Variants in CCDC6 observed in about 807,000 individuals in gnomAD.
CCDC6 encodes the protein coiled-coil domain containing 6, also known as coiled-coil domain-containing protein 6.
A neutral mutation model predicts 56.6 loss-of-function variants in CCDC6; 20 were observed. The observed-to-expected ratio is 0.35, with a 90% CI of 0.25 to 0.51. CCDC6 has a LOEUF of 0.51. Among genes scored for constraint, CCDC6 ranks in the 20% least tolerant of loss-of-function variants. The pLI, the probability that CCDC6 is intolerant of heterozygous loss-of-function variation, is 0.95. For missense variants in CCDC6, 367 were observed against 601.1 expected (o/e 0.61, Z 4.07); for synonymous variants, 241 against 234.4 (o/e 1.03, Z -0.26).
intron 1 of CCDC6, among the ~76,000 whole-genome samples, chr10:59,885,199 A>G (rs1170491624): frequency 1.3e-5 from 2 of 152,128 alleles, no homozygotes; most frequent in Non-Finnish European, 2.9e-5. Flanking sequence ...TACATTTGTT[A>G]TATCTACAAT....
intron 1 of CCDC6, among the ~76,000 whole-genome samples, chr10:59,866,662 C>T (rs2071180461): frequency 6.6e-6 from 1 of 152,130 alleles, no homozygotes; most frequent in African/African-American, 2.4e-5. Context: ...GTCAAGCAAC[C>T]TGCCTGAGGA....
At position 59,906,441 on chromosome 10, in the gene CCDC6, G is replaced by A; in HGVS notation, c.-17C>T. ...GTCCGCCATGGCCGCGGCGGGCTGG[G>A]GAAAGGAGGAGGAGCAGCAGGGAGG... On this transcript the variant is annotated 5_prime_UTR_variant, in exon 1 of 9. Coordinates refer to ENST00000263102, the MANE Select transcript of CCDC6 (RefSeq NM_005436.5). 1 of 1,498,198 alleles carries A rather than the reference G, an allele frequency of 6.7e-7. No individual in the cohort carries two copies. Among genetic ancestry groups the A allele is most frequent in the Non-Finnish European group, 8.8e-7 (1 of 1,140,054 alleles). The allele number at this position is 1,498,198 out of a possible 1,614,324, so 92.8% of individuals were successfully genotyped here. A position where few individuals can be genotyped will look rare whatever the true frequency, so the allele number is the denominator to read the frequency against.
intron 3 of CCDC6, among the ~76,000 whole-genome samples, chr10:59,827,095 T>C (rs756356678): frequency 6.6e-6 from 1 of 152,120 alleles, no homozygotes; most frequent in Non-Finnish European, 1.5e-5. Flanking sequence ...GGGACGCTAG[T>C]AAGGCTTGAG....
At chr10:59,835,925 C>T (rs1025948699) in intron 2 of CCDC6, among the ~76,000 whole-genome samples, 28 of 151,698 alleles carry the variant, frequency 1.8e-4, no homozygotes, top group South Asian at 4.2e-4. Flanking sequence ...CGGTGGTGCG[C>T]GCACCTGTAG....
chr10:59,905,251 C>T (rs1373102514), intron 1 of CCDC6, among the ~76,000 whole-genome samples: 1 of 152,104 alleles, frequency 6.6e-6, no homozygotes, highest in East Asian at 1.9e-4. Flanking sequence ...AGGAGAGAGA[C>T]CTACAGACCC....
chr10:59,843,754 T>C (rs1006865481), intron 2 of CCDC6, among the ~76,000 whole-genome samples: 1 of 152,216 alleles, frequency 6.6e-6, no homozygotes, highest in African/African-American at 2.4e-5. Flanking sequence ...AAGTCTGGGT[T>C]TACCTTAATC....
At chr10:59,879,288 T>G (rs1261211863) in intron 1 of CCDC6, among the ~76,000 whole-genome samples, 5 of 152,198 alleles carry the variant, frequency 3.3e-5, no homozygotes, top group African/African-American at 9.7e-5. Context: ...TCTTAAAGAA[T>G]AAGAAGTTAC....
intron 1 of CCDC6, 141 bp from the exon 2 acceptor site, chr10:59,852,843 A>G (rs2071050448): frequency 3.4e-6 from 2 of 590,656 alleles, no homozygotes; most frequent in Non-Finnish European, 5.4e-6. Flanking sequence ...GAACCAACAC[A>G]CCCAAGAAAT....
chr10:59,853,904 T>C (rs2071059270), intron 1 of CCDC6, among the ~76,000 whole-genome samples: 1 of 152,244 alleles, frequency 6.6e-6, no homozygotes, highest in South Asian at 2.1e-4. Flanking sequence ...TTATTATTAT[T>C]CTGTCTAAAC....
chr10:59,794,951 C>A (rs1283768949), intron 7 of CCDC6, among the ~76,000 whole-genome samples: 1 of 151,878 alleles, frequency 6.6e-6, no homozygotes, highest in African/African-American at 2.4e-5. Context: ...ACACTATATA[C>A]AAAAGTCAAC....
In CCDC6 at chr10:59,792,610, G is replaced by A; in HGVS notation, c.*307C>T. ...TAAAAGCCAGGAGAATGAAGCTCTG[G>A]GCCAAGCAAAAATTGCACACTGCTG... On this transcript the variant is annotated 3_prime_UTR_variant, in exon 9 of 9. Coordinates refer to ENST00000263102, the MANE Select transcript of CCDC6 (RefSeq NM_005436.5). 1 of 678,668 alleles carries A rather than the reference G, an allele frequency of 1.5e-6. No individual in the cohort carries two copies. 42.0% of individuals were successfully genotyped at this position (678,668 alleles called of 1,614,324 possible). A position where few individuals can be genotyped will look rare whatever the true frequency, so the allele number is the denominator to read the frequency against.
intron 1 of CCDC6, among the ~76,000 whole-genome samples, chr10:59,864,942 G>C (rs1447305454): frequency 6.6e-6 from 1 of 152,170 alleles, no homozygotes; most frequent in African/African-American, 2.4e-5. Context: ...TGAGTATATC[G>C]GTGTTCTGTG....
intron 5 of CCDC6, among the ~76,000 whole-genome samples, chr10:59,812,067 A>C (rs1184340551): frequency 2.5e-5 from 1 of 40,206 alleles, no homozygotes. Context: ...ATAGCCAAAA[A>C]AAAAAAAAAA....
At chr10:59,796,103 AGT>A in intron 7 of CCDC6, among the ~76,000 whole-genome samples, 1 of 152,316 alleles carries the variant, frequency 6.6e-6, no homozygotes, top group South Asian at 2.1e-4. Context: ...ACAGTGTAAA[AGT>A]GTTCCTCTTT....
chr10:59,831,356 A>G (rs577004235), intron 3 of CCDC6, among the ~76,000 whole-genome samples: 8 of 152,216 alleles, frequency 5.3e-5, no homozygotes, highest in Non-Finnish European at 1.2e-4. Context: ...TAAAAACAAG[A>G]ATAACAGAAT....
rs750654356 is a variant in CCDC6, at chr10:59,906,197, C to T, written c.228G>A (p.Glu76=). The change falls in exon 1 of 9, where the codon GAG becomes GAA. Residue 76 remains glutamate (E), a synonymous_variant. Transcript: ENST00000263102. The part of the protein sequence containing the change: ...LQQENKVLKI[E]LETYKLKCKA... Reference sequence around the variant, plus strand: ...TGCACTTCAGTTTGTAGGTCTCCAGCTCTATCTTCAGCACCTTGTTCTCTT... The same window carrying T: ...TGCACTTCAGTTTGTAGGTCTCCAGTTCTATCTTCAGCACCTTGTTCTCTT... 1.4e-5 allele frequency: 23 copies of T among 1,612,940 alleles called. No individual in the cohort carries two copies. Among genetic ancestry groups the T allele is most frequent in the Non-Finnish European group, 8.5e-7 (1 of 1,179,636 alleles).
chr10:59,835,056 C>A (rs2070870053), intron 2 of CCDC6, among the ~76,000 whole-genome samples: 1 of 152,200 alleles, frequency 6.6e-6, no homozygotes, highest in African/African-American at 2.4e-5. Flanking sequence ...TTAACAGTAT[C>A]TACTAGTTAT....
At chr10:59,903,986 C>T (rs2071523216) in intron 1 of CCDC6, among the ~76,000 whole-genome samples, 3 of 152,228 alleles carry the variant, frequency 2.0e-5, no homozygotes, top group African/African-American at 7.2e-5. Flanking sequence ...ATTTATCATT[C>T]AGCTCCTTAG....
chr10:59,846,497 T>C (rs964271998), intron 2 of CCDC6, among the ~76,000 whole-genome samples: 6 of 152,202 alleles, frequency 3.9e-5, no homozygotes, highest in African/African-American at 1.4e-4. Flanking sequence ...CCAGGAAGCA[T>C]TCTTACCTCA....
Sources: allele counts gnomAD v4.1 joint callset (sites outside exome capture counted in the v4.1 genomes callset), GRCh38; gene constraint gnomAD v4.1.1; transcripts MANE v1.5; gene names NCBI Gene and HGNC (gene_info 2026-07-23, HGNC 2026-07-21).